Variants in GALK2 observed in about 807,000 individuals in gnomAD.
The protein encoded by GALK2 is galactokinase 2.
GALK2 carries 36 observed loss-of-function variants against 52.4 expected under a neutral mutation model. The observed-to-expected ratio is 0.69, with a 90% CI of 0.53 to 0.91. GALK2 has a LOEUF of 0.91. GALK2 is among the 40% of genes least tolerant of loss of function. The pLI is 0.00. For missense variants in GALK2, 579 were observed against 559.1 expected (o/e 1.04, Z -0.36); for synonymous variants, 176 against 199.1 (o/e 0.88, Z 0.98).
chr15:49,196,332 A>G (rs187636593), intron 1 of GALK2, among the ~76,000 whole-genome samples: 124 of 152,204 alleles, frequency 8.1e-4, no homozygotes, highest in Middle Eastern at 3.4e-3. Context: ...TTTTAATGTT[A>G]TCATTATTTT....
At chr15:49,217,119 A>G (rs1334855217) in intron 2 of GALK2, 71 bp from the exon 3 acceptor site, 4 of 1,394,564 alleles carry the variant, frequency 2.9e-6, no homozygotes, top group Non-Finnish European at 4.0e-6. Flanking sequence ...TTTTTCCTGT[A>G]TGTAAACTTT....
intron 9 of GALK2, among the ~76,000 whole-genome samples, chr15:49,326,253 C>A (rs891558237): frequency 7.0e-6 from 1 of 142,856 alleles, no homozygotes; most frequent in Non-Finnish European, 1.5e-5. Flanking sequence ...CATATGACAA[C>A]CATTTTTTTT....
At chr15:49,231,571 T>C (rs1283333177) in intron 3 of GALK2, among the ~76,000 whole-genome samples, 1 of 152,150 alleles carries the variant, frequency 6.6e-6, no homozygotes, top group Non-Finnish European at 1.5e-5. Context: ...CAGTCCAAAA[T>C]CTCATCTGAG....
At chr15:49,251,408 T>A (rs1283702067) in intron 5 of GALK2, among the ~76,000 whole-genome samples, 1 of 152,182 alleles carries the variant, frequency 6.6e-6, no homozygotes, top group Non-Finnish European at 1.5e-5. Flanking sequence ...TTCAGTATAA[T>A]GACTGCCTTT....
chr15:49,226,501 G>A (rs530120555), intron 3 of GALK2, among the ~76,000 whole-genome samples: 1 of 152,116 alleles, frequency 6.6e-6, no homozygotes, highest in East Asian at 1.9e-4. Flanking sequence ...GTGCTTCCTG[G>A]CTGTGTCTAG....
Position 49,201,237 on chromosome 15 carries a change from A to C in GALK2, c.129A>C (p.Arg43Ser). The C allele has an allele frequency of 6.3e-7, 1 of 1,599,730 alleles. No homozygotes were observed. Among genetic ancestry groups the C allele is most frequent in the Non-Finnish European group, 8.6e-7 (1 of 1,167,550 alleles). Reference sequence around the variant, plus strand: ...AGTTTTATGTTCGAGCACCAGGAAGAGTCAACATAATAGGTATTTCAAAAG... The same window carrying C: ...AGTTTTATGTTCGAGCACCAGGAAGCGTCAACATAATAGGTATTTCAAAAG... ...IPKFYVRAPG[R>S]VNIIGEHIDY... is the part of the protein sequence containing the mutation. The change falls in exon 2 of 10, where the codon AGA (arginine) becomes AGC (serine). Residue 43 changes from arginine (R) to serine (S), a missense_variant. Transcript: ENST00000560031.
At chr15:49,189,276 C>A (rs77870653) in intron 1 of GALK2, among the ~76,000 whole-genome samples, 5,798 of 152,182 alleles carry the variant, frequency 0.038, 283 homozygotes, top group African/African-American at 0.11. Context: ...CAAGGACATT[C>A]TTTTATATAA....
At chr15:49,211,297 A>G (rs1566941128) in intron 2 of GALK2, among the ~76,000 whole-genome samples, 1 of 152,138 alleles carries the variant, frequency 6.6e-6, no homozygotes, top group Non-Finnish European at 1.5e-5. Context: ...TAGTTCTCAA[A>G]AAGTTTTGTA....
intron 3 of GALK2, among the ~76,000 whole-genome samples, chr15:49,220,453 A>G (rs2089716044): frequency 6.6e-6 from 1 of 152,048 alleles, no homozygotes; most frequent in South Asian, 2.1e-4. Flanking sequence ...TCCATTGTGT[A>G]TATATACATT....
At chr15:49,193,085 C>T (rs2086899510) in intron 1 of GALK2, among the ~76,000 whole-genome samples, 1 of 151,366 alleles carries the variant, frequency 6.6e-6, no homozygotes, top group Admixed American at 6.6e-5. Context: ...GTAACCTCCA[C>T]CTCCGGGGTT....
chr15:49,290,627 A>G (rs1457826640), intron 7 of GALK2, among the ~76,000 whole-genome samples: 1 of 152,196 alleles, frequency 6.6e-6, no homozygotes, highest in Non-Finnish European at 1.5e-5. Flanking sequence ...GAACTTGGAG[A>G]TTACTGTGGA....
downstream of GALK2, among the ~76,000 whole-genome samples, chr15:49,334,638 G>A (rs1056265196): frequency 6.6e-6 from 1 of 152,156 alleles, no homozygotes; most frequent in Non-Finnish European, 1.5e-5. Flanking sequence ...TGGGTGGGCA[G>A]GAGACGGGAA....
chr15:49,261,587 A>G (rs1376018222), intron 5 of GALK2, among the ~76,000 whole-genome samples: 1 of 151,712 alleles, frequency 6.6e-6, no homozygotes, highest in Non-Finnish European at 1.5e-5. Context: ...TGCCCTGGCC[A>G]GAACTTCCAA....
At chr15:49,321,619 T>C (rs1319071377) in intron 9 of GALK2, among the ~76,000 whole-genome samples, 1 of 152,186 alleles carries the variant, frequency 6.6e-6, no homozygotes, top group African/African-American at 2.4e-5. Flanking sequence ...CCATAAAATA[T>C]TAGATCAGGA....
intron 3 of GALK2, among the ~76,000 whole-genome samples, chr15:49,360,477 C>T (rs149009795): frequency 6.8e-4 from 104 of 152,160 alleles, no homozygotes; most frequent in African/African-American, 2.5e-3. Flanking sequence ...AAATAATTTG[C>T]ATTTTGCATG....
At chr15:49,192,508 T>TATATAC (rs2086838025) in intron 1 of GALK2, among the ~76,000 whole-genome samples, 1 of 138,126 alleles carries the variant, frequency 7.2e-6, no homozygotes, top group South Asian at 2.2e-4. Flanking sequence ...TATATATATA[T>TATATAC]ATATATATAT....
upstream of GALK2, among the ~76,000 whole-genome samples, chr15:49,167,047 G>A (rs973012093): frequency 6.6e-6 from 1 of 152,202 alleles, no homozygotes. Context: ...AGGTCTGTAA[G>A]TCTCTAACAC....
chr15:49,228,687 A>ATATATATACATATAT (rs1555409061), intron 3 of GALK2, among the ~76,000 whole-genome samples: 6 of 14,276 alleles, frequency 4.2e-4, no homozygotes, highest in South Asian at 3.4e-3. Flanking sequence ...ATATATATAT[A>ATATATATACATATAT]TTTTTTTTTT....
intron 3 of GALK2, among the ~76,000 whole-genome samples, chr15:49,346,007 T>A (rs998822542): frequency 6.6e-6 from 1 of 151,820 alleles, no homozygotes. Flanking sequence ...GTTAATTTGA[T>A]CAGGTCTGCC....
Sources: allele counts gnomAD v4.1 joint callset (sites outside exome capture counted in the v4.1 genomes callset), GRCh38; gene constraint gnomAD v4.1.1; transcripts MANE v1.5; gene names NCBI Gene and HGNC (gene_info 2026-07-23, HGNC 2026-07-21).